Variants in PRKACB observed in about 807,000 individuals in gnomAD.
PRKACB encodes cAMP-dependent protein kinase catalytic subunit beta.
A neutral mutation model predicts 51.4 loss-of-function variants in PRKACB; 16 were observed. The ratio of observed to expected loss-of-function variants is 0.31; its 90% CI spans 0.21 to 0.47. The LOEUF is 0.47. PRKACB is among the 20% of genes least tolerant of loss of function. PRKACB has a pLI of 1.00. For missense variants in PRKACB, 309 were observed against 464.5 expected (o/e 0.67, Z 3.08); for synonymous variants, 147 against 154.4 (o/e 0.95, Z 0.35).
chr1:84,092,726 G>A (rs542969902), intron 1 of PRKACB, among the ~76,000 whole-genome samples: 9 of 152,100 alleles, frequency 5.9e-5, no homozygotes, highest in South Asian at 2.1e-4. Flanking sequence ...GGTTTTAGTC[G>A]CTCCACATCC....
intron 1 of PRKACB, among the ~76,000 whole-genome samples, chr1:84,090,722 C>A (rs1349270466): frequency 1.3e-5 from 2 of 152,132 alleles, no homozygotes; most frequent in Admixed American, 1.3e-4. Context: ...AGCTGTATCA[C>A]CTTTTATGAC....
chr1:84,168,626 G>T (rs1658319872), intron 1 of PRKACB, among the ~76,000 whole-genome samples: 2 of 151,582 alleles, frequency 1.3e-5, no homozygotes, highest in South Asian at 4.1e-4. Flanking sequence ...ATTAAAGATG[G>T]TTATTTGCCC....
At chr1:84,224,581 C>T (rs1458680495) in intron 9 of PRKACB, among the ~76,000 whole-genome samples, 1 of 152,184 alleles carries the variant, frequency 6.6e-6, no homozygotes, top group African/African-American at 2.4e-5. Flanking sequence ...CAGGGCAATC[C>T]CCAGGCCCTC....
chr1:84,225,124 G>C (rs1443891764), intron 9 of PRKACB, among the ~76,000 whole-genome samples: 1 of 152,142 alleles, frequency 6.6e-6, no homozygotes, highest in Non-Finnish European at 1.5e-5. Context: ...GCCCCTATTG[G>C]TGCACACAGA....
rs1213312191 is a variant in PRKACB at position 84,144,404 on chromosome 1, A to G, written c.43A>G (p.Thr15Ala). 1 of 1,613,402 alleles carries G rather than the reference A, an allele frequency of 6.2e-7. No individual in the cohort carries two copies. Among genetic ancestry groups the G allele is most frequent in the African/African-American group, 1.3e-5 (1 of 74,880 alleles). ...ACCACCTTGTAACCAGTATACAGGT[A>G]CAACTACAGCTCTTCAGAAATTGGA... Reference protein sequence around the residue: ...REPPCNQYTGTTTALQKLEGF... With the variant: ...REPPCNQYTGATTALQKLEGF... Residue 15 changes from threonine to alanine, a missense_variant, in exon 1 of 10, where the codon ACA (threonine) becomes GCA (alanine). Physicochemically the swap from Thr to Ala is moderately conservative, Grantham distance 58. Coordinates refer to ENST00000370685, the MANE Select transcript of PRKACB (RefSeq NM_182948.4).
chr1:84,113,399 G>A (rs1208622932), intron 1 of PRKACB, among the ~76,000 whole-genome samples: 7 of 152,178 alleles, frequency 4.6e-5, no homozygotes, highest in African/African-American at 1.4e-4. Flanking sequence ...AAAGGCATGG[G>A]AGCCCTCAGA....
At chr1:84,091,986 T>C (rs114586898) in intron 1 of PRKACB, among the ~76,000 whole-genome samples, 1,897 of 152,248 alleles carry the variant, frequency 0.012, 51 homozygotes, top group African/African-American at 0.043. Flanking sequence ...AAGGAAACTT[T>C]TTTGGTTTTT....
chr1:84,223,506 C>T (rs1292290262), intron 9 of PRKACB, among the ~76,000 whole-genome samples: 6 of 151,778 alleles, frequency 4.0e-5, no homozygotes, highest in East Asian at 3.9e-4. Flanking sequence ...GTAGCTGGGA[C>T]GACAGGCACC....
At chr1:84,081,979 G>C (rs1647575719) in intron 1 of PRKACB, among the ~76,000 whole-genome samples, 1 of 152,150 alleles carries the variant, frequency 6.6e-6, no homozygotes, top group Admixed American at 6.6e-5. Context: ...AGTAGACTAG[G>C]TTCAACAAAA....
At chr1:84,078,199 C>T (rs995004361) in exon 1 of PRKACB, 3 of 1,088,486 alleles carry the variant, frequency 2.8e-6, no homozygotes, top group Non-Finnish European at 3.9e-6. Flanking sequence ...GGACTCCTGG[C>T]GCCAGCGCTA....
intron 1 of PRKACB, among the ~76,000 whole-genome samples, chr1:84,097,454 C>T (rs1039988508): frequency 6.6e-6 from 1 of 151,944 alleles, no homozygotes; most frequent in African/African-American, 2.4e-5. Context: ...TTGTTTTAGC[C>T]ATTTTGGTGT....
chr1:84,172,612 T>C (rs1659892377), intron 1 of PRKACB, among the ~76,000 whole-genome samples: 1 of 151,748 alleles, frequency 6.6e-6, no homozygotes, highest in Non-Finnish European at 1.5e-5. Context: ...TAAGTTAATG[T>C]ATTTCTTTCT....
At chr1:84,127,799 A>G (rs1651762407) in intron 1 of PRKACB, among the ~76,000 whole-genome samples, 1 of 152,060 alleles carries the variant, frequency 6.6e-6, no homozygotes, top group South Asian at 2.1e-4. Context: ...TCTAGTGAAT[A>G]TATTTTATGT....
chr1:84,151,682 A>G (rs1255668940), intron 1 of PRKACB, among the ~76,000 whole-genome samples: 4 of 152,196 alleles, frequency 2.6e-5, no homozygotes, highest in African/African-American at 9.6e-5. Flanking sequence ...TCAAGAAACT[A>G]CTTTCTTTGC....
Position 84,089,194 on chromosome 1 carries a change from C to T in PRKACB, c.46+10823C>T, listed in dbSNP as rs1193790659. Among the ~76,000 whole-genome samples, 7 of 152,088 alleles carry T rather than the reference C, an allele frequency of 4.6e-5. No individual in the cohort carries two copies. In the South Asian group the frequency reaches 1.2e-3, roughly 27 times the overall value. On this transcript the variant is annotated intron_variant, in intron 1 of 8. Transcript: ENST00000370688. ...TAAAATCATGGATAGTTAAATGGAT[C>T]AAAAATTCAAACCTCCTGTAGAAGC...
At position 84,217,062 on chromosome 1, in the gene PRKACB, T is replaced by G. The variant is rs142423665; in HGVS notation, c.1071+2745T>G. On this transcript the variant is annotated intron_variant, in intron 9 of 9. Coordinates refer to ENST00000370685, the MANE Select transcript of PRKACB (RefSeq NM_182948.4). The stretch of plus-strand genomic sequence containing the variant: ...TTGATCTGAATCCCTGATCAACCAA[T>G]CATTAGCAGTATGATCATGAACAAA... Among the ~76,000 whole-genome samples, 482 of 152,290 alleles carry G rather than the reference T, an allele frequency of 3.2e-3. 3 individuals are homozygous for G. Among genetic ancestry groups the G allele is most frequent in the African/African-American group, 0.011 (457 of 41,578 alleles).
Position 84,184,019 on chromosome 1 carries a change from T to C in PRKACB, c.379-18T>C, listed in dbSNP as rs1664380554. 1.3e-6 allele frequency: 2 copies of C among 1,554,368 alleles called. No individual in the cohort carries two copies. The highest frequency in any genetic ancestry group is 1.4e-5 in the African/African-American group (1 of 72,006). Reference sequence around the variant, plus strand: ...TTTTGCTTAAATACATTAAGAGATATTTATCTCTCAATTACAGGTTGTTAA... The same window carrying C: ...TTTTGCTTAAATACATTAAGAGATACTTATCTCTCAATTACAGGTTGTTAA... On this transcript the variant is annotated intron_variant, in intron 3 of 9. Transcript: ENST00000370685.
chr1:84,186,228 T>C (rs977538484), intron 5 of PRKACB, among the ~76,000 whole-genome samples: 26 of 392 alleles, frequency 0.066, 1 homozygote, highest in East Asian at 0.46. Flanking sequence ...TGTTTTTGGT[T>C]TTTTTTTTGA....
chr1:84,229,265 C>T (rs1240174346), intron 9 of PRKACB, among the ~76,000 whole-genome samples: 1 of 111,186 alleles, frequency 9.0e-6, no homozygotes, highest in Non-Finnish European at 1.8e-5. Flanking sequence ...ATGAACTCAT[C>T]ATTTTTTATG....
Sources: gnomAD v4.1 joint callset for allele counts (sites outside exome capture counted in the v4.1 genomes callset) on GRCh38, gnomAD v4.1.1 for gene constraint, MANE v1.5 for transcripts, NCBI Gene and HGNC (gene_info 2026-07-23, HGNC 2026-07-21) for gene names.